KCTD1: variants seen among roughly 807,000 people sequenced by gnomAD.
The protein encoded by KCTD1 is BTB/POZ domain-containing protein KCTD1.
KCTD1 carries 24 observed loss-of-function variants against 66.0 expected under a neutral mutation model. That is an observed-to-expected ratio of 0.36 (90% CI 0.26 to 0.51). KCTD1 has a LOEUF of 0.51. KCTD1 is among the 20% of genes least tolerant of loss of function. The pLI is 0.95. For synonymous variants in KCTD1, 511 were observed against 517.2 expected (o/e 0.99, Z 0.16); for missense variants, 943 against 1,205.2 (o/e 0.78, Z 3.22).
chr18:26,457,041 T>G (rs915005197), intron 4 of KCTD1: 6 of 151,658 alleles, frequency 4.0e-5, no homozygotes, highest in Non-Finnish European at 8.8e-5. Flanking sequence ...ATTTTTTAGT[T>G]GCCTACTTCA....
intron 3 of KCTD1, among the ~76,000 whole-genome samples, chr18:26,461,888 G>A: frequency 6.6e-6 from 1 of 152,198 alleles, no homozygotes; most frequent in East Asian, 1.9e-4. Flanking sequence ...GGCCGAGGCA[G>A]GTGGATTATC....
upstream of KCTD1, among the ~76,000 whole-genome samples, chr18:26,641,793 G>C (rs928114384): frequency 6.6e-6 from 1 of 152,140 alleles, no homozygotes; most frequent in African/African-American, 2.4e-5. Context: ...CTAATGGCAG[G>C]TATCAGATCT....
intron 1 of KCTD1, among the ~76,000 whole-genome samples, chr18:26,625,055 T>C (rs1198229540): frequency 6.6e-6 from 1 of 152,200 alleles, no homozygotes; most frequent in Non-Finnish European, 1.5e-5. Flanking sequence ...TTTTGACCAA[T>C]TTCTCCCAAT....
At chr18:26,584,776 G>A (rs1003045792) in intron 1 of KCTD1, among the ~76,000 whole-genome samples, 1 of 152,130 alleles carries the variant, frequency 6.6e-6, no homozygotes, top group African/African-American at 2.4e-5. Context: ...GGCAAGAAAG[G>A]GTTCCTAGAG....
In KCTD1 at chr18:26,501,143, A is replaced by G; in HGVS notation, c.1917T>C (p.Pro639=). 1 of 1,614,232 alleles carries G rather than the reference A, an allele frequency of 6.2e-7. No homozygotes were observed. The highest frequency in any genetic ancestry group is 8.5e-7 in the Non-Finnish European group (1 of 1,180,042). The change falls in exon 2 of 5, where the codon CCT becomes CCC. Residue 639 remains proline (P), a synonymous_variant. Transcript: ENST00000580059. The stretch of plus-strand genomic sequence containing the variant: ...TGTGGCCGCCCACATCAATGTGGAC[A>G]GGCGCATTGGATTTTGTGAGTTGTG... ...TPAQLTKSNA[P]VHIDVGGHMY...
In KCTD1 at chr18:26,577,879, T is replaced by C. The variant is rs113765936; in HGVS notation, c.-16+51268A>G. ...TTGAACCAGCATGTGTGGCTGAGCA[T>C]TTCTTAATTCTGATCACCCATAAAT... is the stretch of plus-strand genomic sequence containing the variant. On this transcript the variant is annotated intron_variant, in intron 1 of 4. Coordinates refer to the KCTD1 transcript ENST00000317932. Among the ~76,000 whole-genome samples the C allele has an allele frequency of 4.5e-4, 69 of 152,164 alleles. 1 individual carries two copies. Among genetic ancestry groups the C allele is most frequent in the African/African-American group, 1.6e-3 (67 of 41,518 alleles).
chr18:26,543,315 T>G (rs1985062914), intron 1 of KCTD1: 1 of 152,246 alleles, frequency 6.6e-6, no homozygotes, highest in Non-Finnish European at 1.5e-5. Context: ...GCAAGAAGTC[T>G]TGTTACAATC....
At chr18:26,615,251 C>T (rs1987224602) in intron 1 of KCTD1, among the ~76,000 whole-genome samples, 2 of 152,196 alleles carry the variant, frequency 1.3e-5, no homozygotes, top group South Asian at 4.1e-4. Context: ...CTGTGGCTCC[C>T]AGCTGCTCAG....
intron 1 of KCTD1, among the ~76,000 whole-genome samples, chr18:26,538,605 TTA>T (rs1434428235): frequency 6.6e-6 from 1 of 152,180 alleles, no homozygotes; most frequent in Non-Finnish European, 1.5e-5. Flanking sequence ...GGCTAGGACT[TTA>T]TGATAAAGAT....
rs373277150 is a variant in KCTD1 at position 26,547,832 on chromosome 18, G to T, written c.705C>A (p.Leu235=). ...KSSLISIRSS[L]NRYLNEPPYC... Reference sequence around the variant, plus strand: ...ACGGGGGCTCATTGAGGTAGCGGTTGAGGGAGCTGCGGATGCTGATGAGCG... The same window carrying T: ...ACGGGGGCTCATTGAGGTAGCGGTTTAGGGAGCTGCGGATGCTGATGAGCG... The change falls in exon 1 of 5, where the codon CTC becomes CTA. Residue 235 remains leucine (L), a synonymous_variant. Transcript: ENST00000580059. 831 of 1,541,050 alleles carry T rather than the reference G, an allele frequency of 5.4e-4. No homozygotes were observed. The highest frequency in any genetic ancestry group is 6.9e-4 in the Non-Finnish European group (791 of 1,146,832).
At chr18:26,550,532 C>T (rs1448865107), upstream of KCTD1, among the ~76,000 whole-genome samples, 1 of 151,096 alleles carries the variant, frequency 6.6e-6, no homozygotes, top group East Asian at 2.0e-4. This position sits in a 1 kb window ranked among gnomAD's most constrained non-coding sequence, Gnocchi z 5.4. Context: ...TCGCGGGCCG[C>T]CTCCGGCTCC....
chr18:26,538,279 CTG>C (rs1237150013), intron 1 of KCTD1, among the ~76,000 whole-genome samples: 3 of 151,964 alleles, frequency 2.0e-5, no homozygotes, highest in African/African-American at 7.3e-5. Flanking sequence ...TTCCATGCCT[CTG>C]TAAAGAGAAA....
intron 1 of KCTD1, among the ~76,000 whole-genome samples, chr18:26,609,831 G>A (rs1282075512): frequency 6.6e-6 from 1 of 152,120 alleles, no homozygotes; most frequent in Non-Finnish European, 1.5e-5. Context: ...AAATTCCACC[G>A]GCTCCAGTGA....
intron 1 of KCTD1, among the ~76,000 whole-genome samples, chr18:26,584,868 G>C (rs930441126): frequency 6.6e-6 from 1 of 152,306 alleles, no homozygotes; most frequent in Non-Finnish European, 1.5e-5. Flanking sequence ...GGAAGGTGTT[G>C]CAGGCATGGA....
intron 1 of KCTD1, among the ~76,000 whole-genome samples, chr18:26,515,096 G>C (rs892042616): frequency 6.6e-6 from 1 of 152,152 alleles, no homozygotes; most frequent in Non-Finnish European, 1.5e-5. Context: ...AAACCAACAA[G>C]AGTACAAAAC....
At chr18:26,548,642 C>T, upstream of KCTD1, 1 of 1,125,006 alleles carries the variant, frequency 8.9e-7, no homozygotes, top group Non-Finnish European at 1.1e-6. Flanking sequence ...GAGGCAAAGC[C>T]GGGCTCTTAA....
At chr18:26,472,681 C>T (rs911652519) in intron 3 of KCTD1, among the ~76,000 whole-genome samples, 4 of 152,208 alleles carry the variant, frequency 2.6e-5, no homozygotes, top group African/African-American at 7.2e-5. Flanking sequence ...GACTGGGGAG[C>T]GCCCGACGTT....
intron 1 of KCTD1, among the ~76,000 whole-genome samples, chr18:26,535,440 A>G (rs1021588703): frequency 1.3e-5 from 2 of 151,774 alleles, no homozygotes; most frequent in Admixed American, 1.3e-4. Flanking sequence ...CACTGAAGAA[A>G]TGGCTCCCGG....
At chr18:26,573,836 A>AT (rs1174174180) in intron 1 of KCTD1, among the ~76,000 whole-genome samples, 1 of 152,170 alleles carries the variant, frequency 6.6e-6, no homozygotes, top group African/African-American at 2.4e-5. Context: ...TTCTAAGCAG[A>AT]TTTTTTCACC....
Sources: allele counts gnomAD v4.1 joint callset (sites outside exome capture counted in the v4.1 genomes callset), GRCh38; gene constraint gnomAD v4.1.1; non-coding constraint Gnocchi (gnomAD v3.1); transcripts MANE v1.5; gene names NCBI Gene and HGNC (gene_info 2026-07-23, HGNC 2026-07-21).